GPC6: variants seen among roughly 807,000 people sequenced by gnomAD.
GPC6 encodes glypican-6.
In GPC6, 14 loss-of-function variants were observed where a neutral mutation model predicts 55.2. The observed-to-expected ratio is 0.25, with a 90% CI of 0.17 to 0.40. The LOEUF (loss-of-function observed/expected upper bound fraction) is 0.40, where lower values mean the gene tolerates loss of function less well. GPC6 is among the 10% of genes least tolerant of loss of function. The pLI is 1.00. For synonymous variants in GPC6, 278 were observed against 259.6 expected (o/e 1.07, Z -0.68); for missense variants, 641 against 708.5 (o/e 0.90, Z 1.08).
chr13:93,629,858 C>A (rs933805714), intron 2 of GPC6, among the ~76,000 whole-genome samples: 1 of 152,178 alleles, frequency 6.6e-6, no homozygotes, highest in Admixed American at 6.6e-5. Context: ...TCTGCAATAT[C>A]TTCCTTCTGT....
chr13:93,627,043 T>C (rs1049877473), intron 2 of GPC6, among the ~76,000 whole-genome samples: 1 of 152,074 alleles, frequency 6.6e-6, no homozygotes, highest in African/African-American at 2.4e-5. Context: ...CTGGGGTACA[T>C]GTGCAGAACA....
chr13:93,765,813 G>T (rs1885114421), intron 2 of GPC6, among the ~76,000 whole-genome samples: 1 of 152,190 alleles, frequency 6.6e-6, no homozygotes, highest in African/African-American at 2.4e-5. Flanking sequence ...TTCATGGAAT[G>T]GGCCTGTGCC....
chr13:93,849,874 C>G (rs942506559), intron 3 of GPC6, among the ~76,000 whole-genome samples: 1 of 151,836 alleles, frequency 6.6e-6, no homozygotes, highest in East Asian at 1.9e-4. Context: ...ACATTTTTAC[C>G]GTGAATTATT....
At chr13:93,407,465 T>A (rs1267007635) in intron 1 of GPC6, among the ~76,000 whole-genome samples, 1 of 152,114 alleles carries the variant, frequency 6.6e-6, no homozygotes. Flanking sequence ...TGATAAAGTA[T>A]CCAATGTCAA....
intron 2 of GPC6, among the ~76,000 whole-genome samples, chr13:93,628,381 G>T (rs377419517): frequency 1.2e-4 from 18 of 152,170 alleles, no homozygotes; most frequent in African/African-American, 4.1e-4. Context: ...ATTACAGCTG[G>T]CCCATATGTG....
intron 4 of GPC6, among the ~76,000 whole-genome samples, chr13:94,116,290 T>C (rs1593948799): frequency 6.6e-6 from 1 of 151,990 alleles, no homozygotes; most frequent in African/African-American, 2.4e-5. Context: ...ATTCTGGAAG[T>C]TGCGCTTGAT....
intron 1 of GPC6, among the ~76,000 whole-genome samples, chr13:93,429,629 A>G (rs1411586143): frequency 1.3e-5 from 2 of 152,126 alleles, no homozygotes; most frequent in South Asian, 2.1e-4. Flanking sequence ...GCCCCTAGGC[A>G]TTCTGAAATG....
chr13:94,228,242 G>A (rs1056112794), intron 4 of GPC6, among the ~76,000 whole-genome samples: 2 of 152,062 alleles, frequency 1.3e-5, no homozygotes, highest in African/African-American at 4.8e-5. Context: ...AGAGAATGCA[G>A]CATTCTCGGT....
intron 2 of GPC6, among the ~76,000 whole-genome samples, chr13:93,660,556 A>G (rs1182168268): frequency 1.3e-5 from 2 of 152,242 alleles, no homozygotes; most frequent in Admixed American, 6.5e-5. Context: ...GGAAGGATAT[A>G]TAAATTCAAG....
In GPC6 at chr13:94,404,302, G is replaced by A. The variant is rs1881279207; in HGVS notation, c.*1085G>A. On this transcript the variant is annotated 3_prime_UTR_variant, in exon 9 of 9. Coordinates refer to ENST00000377047, the MANE Select transcript of GPC6 (RefSeq NM_005708.5). ...ACTCACAACAGAAAAAAAAAGTCAAGACAAAAAATATATATATATAGTATT... is the reference window on the plus strand; with the variant it reads ...ACTCACAACAGAAAAAAAAAGTCAAAACAAAAAATATATATATATAGTATT... The A allele has an allele frequency of 6.6e-6, 1 of 151,760 alleles. No homozygotes were observed. Among genetic ancestry groups the A allele is most frequent in the Non-Finnish European group, 1.5e-5 (1 of 67,952 alleles). The allele number at this position is 151,760 out of a possible 1,614,324, so 9.4% of individuals were successfully genotyped here.
chr13:94,286,360 T>C lies in GPC6; in HGVS notation c.889T>C (p.Leu297=). Residue 297 remains leucine (L), a synonymous_variant, in exon 5 of 9, where the codon TTG becomes CTG. Transcript: ENST00000377047. ...EWNLFIDAML[L]VAERLEGPFN... is the part of the protein sequence containing the mutation. Reference sequence around the variant, plus strand: ...CTGTATTTTAACAGATGCAATGCTCTTGGTGGCAGAGCGACTGGAGGGGCC... The same window carrying C: ...CTGTATTTTAACAGATGCAATGCTCCTGGTGGCAGAGCGACTGGAGGGGCC... 1 of 1,613,878 alleles carries C rather than the reference T, an allele frequency of 6.2e-7. No individual in the cohort carries two copies. The highest frequency in any genetic ancestry group is 8.5e-7 in the Non-Finnish European group (1 of 1,179,824).
intron 1 of GPC6, among the ~76,000 whole-genome samples, chr13:93,507,006 G>T (rs1309200820): frequency 1.5e-5 from 2 of 137,352 alleles, no homozygotes; most frequent in Non-Finnish European, 3.1e-5. Flanking sequence ...AGCTTGCAGT[G>T]AGCCGAGATC....
intron 3 of GPC6, among the ~76,000 whole-genome samples, chr13:93,957,762 T>TA (rs1422486531): frequency 6.6e-6 from 1 of 152,200 alleles, no homozygotes; most frequent in Non-Finnish European, 1.5e-5. Flanking sequence ...GTATGTCAAA[T>TA]AGCAGCTCTG....
intron 3 of GPC6, among the ~76,000 whole-genome samples, chr13:93,832,375 A>C (rs540877583): frequency 9.2e-5 from 14 of 152,002 alleles, no homozygotes; most frequent in African/African-American, 3.4e-4. Flanking sequence ...GTTAAACTCA[A>C]TAATAGGATT....
At chr13:93,847,081 T>C (rs1435846475) in intron 3 of GPC6, among the ~76,000 whole-genome samples, 2 of 152,166 alleles carry the variant, frequency 1.3e-5, no homozygotes, top group African/African-American at 4.8e-5. Flanking sequence ...ATTGGAACTC[T>C]AACATAAGTA....
chr13:93,716,544 A>G (rs901215247), intron 2 of GPC6, among the ~76,000 whole-genome samples: 6 of 151,662 alleles, frequency 4.0e-5, no homozygotes, highest in African/African-American at 1.2e-4. Context: ...TAGAGTTGGG[A>G]TATACAGAAA....
chr13:93,381,156 A>G (rs941729015), intron 1 of GPC6, among the ~76,000 whole-genome samples: 2 of 152,152 alleles, frequency 1.3e-5, no homozygotes, highest in Non-Finnish European at 2.9e-5. Context: ...GCTCTAAATC[A>G]TATCATATTA....
intron 6 of GPC6, among the ~76,000 whole-genome samples, chr13:94,374,543 G>T (rs199751185): frequency 1.7e-5 from 2 of 115,538 alleles, no homozygotes; most frequent in Non-Finnish European, 3.6e-5. Flanking sequence ...CAATACAGGA[G>T]CACCAAGATT....
chr13:94,055,181 C>G (rs542238562), intron 4 of GPC6, among the ~76,000 whole-genome samples: 1 of 152,160 alleles, frequency 6.6e-6, no homozygotes, highest in Non-Finnish European at 1.5e-5. Context: ...CAGCGAAGAC[C>G]CTGAGGGAGC....
Sources: gnomAD v4.1 joint callset for allele counts (sites outside exome capture counted in the v4.1 genomes callset) on GRCh38, gnomAD v4.1.1 for gene constraint, MANE v1.5 for transcripts, NCBI Gene and HGNC (gene_info 2026-07-23, HGNC 2026-07-21) for gene names.